CSMD1: variants seen among roughly 807,000 people sequenced by gnomAD.
The protein encoded by CSMD1 is CUB and sushi domain-containing protein 1.
A neutral mutation model predicts 417.5 loss-of-function variants in CSMD1; 213 were observed. That is an observed-to-expected ratio of 0.51 (90% CI 0.46 to 0.57). The LOEUF (loss-of-function observed/expected upper bound fraction) is 0.57. Ranked by LOEUF, CSMD1 falls within the 20% of genes least tolerant of loss-of-function variation. The pLI, the probability that CSMD1 is intolerant of heterozygous loss-of-function variation, is 0.00. For missense variants in CSMD1, 6,923 were observed against 4,529.7 expected (o/e 1.53, Z -15.17); for synonymous variants, 2,862 against 1,736.8 (o/e 1.65, Z -16.11).
Position 3,645,642 on chromosome 8 carries a change from G to C in CSMD1, c.1010-28845C>G, listed in dbSNP as rs149530535. 2.6e-5 allele frequency among the ~76,000 whole-genome samples: 4 copies of C among 152,292 alleles called. No homozygotes were observed. The East Asian group carries it at 7.7e-4, about 29-fold the overall frequency. On this transcript the variant is annotated intron_variant, in intron 7 of 69. Coordinates refer to ENST00000635120, the MANE Select transcript of CSMD1 (RefSeq NM_033225.6). ...GAAGAGTCGGCCTTCTGCATTTGTA[G>C]AAATCACAGGGAGCCACTGCTACAG...
chr8:4,490,365 G>A (rs941792522), intron 2 of CSMD1, among the ~76,000 whole-genome samples: 4 of 152,076 alleles, frequency 2.6e-5, no homozygotes, highest in African/African-American at 9.7e-5. Context: ...TGCAACCATT[G>A]CTTAATGTCC....
At chr8:4,965,448 A>C (rs963429989) in intron 1 of CSMD1, among the ~76,000 whole-genome samples, 1 of 152,208 alleles carries the variant, frequency 6.6e-6, no homozygotes, top group Non-Finnish European at 1.5e-5. Flanking sequence ...GAGTTGTCTC[A>C]GTGATAATGC....
intron 54 of CSMD1, among the ~76,000 whole-genome samples, chr8:2,994,684 T>C (rs1806720254): frequency 6.6e-6 from 1 of 152,182 alleles, no homozygotes; most frequent in African/African-American, 2.4e-5. Flanking sequence ...CACAGTAAAG[T>C]TTTTATAGGA....
intron 3 of CSMD1, among the ~76,000 whole-genome samples, chr8:4,171,440 G>A (rs1329148331): frequency 1.3e-5 from 2 of 151,656 alleles, no homozygotes; most frequent in South Asian, 2.1e-4. Flanking sequence ...ATCAATTTAT[G>A]CATGACTTAT....
chr8:4,207,992 G>A (rs558292957), intron 3 of CSMD1, among the ~76,000 whole-genome samples: 28 of 152,202 alleles, frequency 1.8e-4, no homozygotes, highest in Admixed American at 3.3e-4. Flanking sequence ...TAGTTAAGCA[G>A]AGAAAAGTTT....
chr8:3,319,753 A>G (rs1806026685), intron 23 of CSMD1, among the ~76,000 whole-genome samples: 1 of 152,214 alleles, frequency 6.6e-6, no homozygotes, highest in Admixed American at 6.5e-5. Flanking sequence ...GAACATTAGG[A>G]ACACGTCAGC....
At chr8:4,302,535 G>A (rs1042293492) in intron 3 of CSMD1, among the ~76,000 whole-genome samples, 7 of 152,122 alleles carry the variant, frequency 4.6e-5, no homozygotes, top group African/African-American at 7.2e-5. Flanking sequence ...GTCAGATTAA[G>A]AGACCGTCTT....
intron 2 of CSMD1, among the ~76,000 whole-genome samples, chr8:4,445,714 T>TG (rs1798744962): frequency 6.6e-6 from 1 of 152,262 alleles, no homozygotes; most frequent in Non-Finnish European, 1.5e-5. Context: ...AATTTCTATT[T>TG]GGGGGCGTAA....
chr8:3,482,099 A>T (rs937820873), intron 11 of CSMD1, among the ~76,000 whole-genome samples: 2 of 152,244 alleles, frequency 1.3e-5, no homozygotes, highest in African/African-American at 4.8e-5. Context: ...AATAACCCTT[A>T]GGAAGGCAAG....
chr8:3,534,479 T>C (rs6996566), intron 10 of CSMD1, among the ~76,000 whole-genome samples: 15,773 of 147,666 alleles, frequency 0.11, 1,101 homozygotes, highest in South Asian at 0.18. Context: ...CCCTCTCTCA[T>C]GCTCAGCGAT....
intron 7 of CSMD1, among the ~76,000 whole-genome samples, chr8:3,691,265 G>C (rs941137310): frequency 4.6e-5 from 7 of 152,108 alleles, no homozygotes; most frequent in Middle Eastern, 3.2e-3. Context: ...CTACTCAGGA[G>C]GCTGAAGCAG....
chr8:4,327,805 A>G (rs947542772), intron 3 of CSMD1, among the ~76,000 whole-genome samples: 5 of 152,216 alleles, frequency 3.3e-5, no homozygotes, highest in Admixed American at 2.0e-4. Flanking sequence ...TCTTGCTAAA[A>G]TGTCTCCTGT....
Position 3,882,157 on chromosome 8 carries a change from T to G in CSMD1, c.818+115746A>C, listed in dbSNP as rs563114380. The stretch of plus-strand genomic sequence containing the variant: ...ATCACAATTGGCTCCTCCACCAAGA[T>G]TTGTGTACAGAATATACAGACATCT... On this transcript the variant is annotated intron_variant, in intron 5 of 69. Transcript: ENST00000635120. Among the ~76,000 whole-genome samples, 12 of 152,116 alleles carry G rather than the reference T, an allele frequency of 7.9e-5. No individual in the cohort carries two copies. In the South Asian group the frequency reaches 2.5e-3, roughly 32 times the overall value.
intron 5 of CSMD1, among the ~76,000 whole-genome samples, chr8:3,932,881 G>C (rs1157128381): frequency 1.3e-5 from 2 of 149,644 alleles, no homozygotes; most frequent in East Asian, 3.9e-4. Flanking sequence ...AAATGTTTTT[G>C]AATTTTCTAT....
At chr8:4,797,947 T>C (rs767943630) in intron 1 of CSMD1, among the ~76,000 whole-genome samples, 5 of 152,230 alleles carry the variant, frequency 3.3e-5, no homozygotes, top group Non-Finnish European at 5.9e-5. Flanking sequence ...GACATACATA[T>C]GTGCCTAGAC....
intron 3 of CSMD1, among the ~76,000 whole-genome samples, chr8:4,167,142 AT>A (rs553607101): frequency 6.6e-6 from 1 of 151,588 alleles, no homozygotes; most frequent in African/African-American, 2.4e-5. Flanking sequence ...CTTAGGTGAC[AT>A]TTTTTTTTCT....
chr8:4,026,351 A>C (rs1322974141), intron 4 of CSMD1, among the ~76,000 whole-genome samples: 1 of 152,228 alleles, frequency 6.6e-6, no homozygotes. Flanking sequence ...ATACAGAAGA[A>C]CAAAGTTTCC....
At chr8:4,573,375 C>T (rs571892030) in intron 2 of CSMD1, among the ~76,000 whole-genome samples, 9 of 152,100 alleles carry the variant, frequency 5.9e-5, no homozygotes, top group Non-Finnish European at 8.8e-5. Flanking sequence ...AACAGTCAGG[C>T]CCCTCTTCTG....
rs1349595563 is a variant in CSMD1, at chr8:3,088,134, A to T, written c.7286-849T>A. On this transcript the variant is annotated intron_variant, in intron 48 of 69. Coordinates refer to ENST00000635120, the MANE Select transcript of CSMD1 (RefSeq NM_033225.6). ...TAATCATCCCTCTTTGTAAGGAGAC[A>T]TTTTAAAACTAGAGATGGGCATTTG... is the stretch of plus-strand genomic sequence containing the variant. Among the ~76,000 whole-genome samples, 21 of 152,206 alleles carry T rather than the reference A, an allele frequency of 1.4e-4. 1 individual carries two copies. Among genetic ancestry groups the T allele is most frequent in the Non-Finnish European group, 1.5e-5 (1 of 68,040 alleles).
Sources: gnomAD v4.1 joint callset for allele counts (sites outside exome capture counted in the v4.1 genomes callset) on GRCh38, gnomAD v4.1.1 for gene constraint, MANE v1.5 for transcripts, NCBI Gene and HGNC (gene_info 2026-07-23, HGNC 2026-07-21) for gene names.